Variants in AAMDC observed in about 807,000 individuals in gnomAD.
The protein encoded by AAMDC is adipogenesis associated Mth938 domain containing.
A neutral mutation model predicts 15.5 loss-of-function variants in AAMDC; 16 were observed. The observed-to-expected ratio is 1.03, with a 90% CI of 0.70 to 1.57. The LOEUF (loss-of-function observed/expected upper bound fraction) is 1.57, where lower values mean the gene tolerates loss of function less well. Among genes scored for constraint, AAMDC ranks in the 40% most tolerant of loss-of-function variants. The pLI, the probability that AAMDC is intolerant of heterozygous loss-of-function variation, is 0.00. For synonymous variants in AAMDC, 51 were observed against 51.6 expected (o/e 0.99, Z 0.05); for missense variants, 141 against 144.9 (o/e 0.97, Z 0.14).
chr11:77,880,888 C>T (rs1951765501), intron 5 of AAMDC, among the ~76,000 whole-genome samples: 1 of 152,128 alleles, frequency 6.6e-6, no homozygotes, highest in Non-Finnish European at 1.5e-5. Flanking sequence ...CACACCACTG[C>T]ACTCCAGCCT....
At chr11:77,822,893 G>T (rs1005524011) in intron 1 of AAMDC, among the ~76,000 whole-genome samples, 3 of 152,172 alleles carry the variant, frequency 2.0e-5, no homozygotes, top group African/African-American at 7.2e-5. Context: ...TATGTTACAT[G>T]TATTTTACGA....
At chr11:77,869,946 G>A in intron 3 of AAMDC, 129 bp downstream of exon 3, 2 of 788,288 alleles carry the variant, frequency 2.5e-6, no homozygotes, top group Admixed American at 4.3e-5. Flanking sequence ...ACCCAGGATA[G>A]CAGTGGCTGC....
At chr11:77,871,019 C>T (rs1315281117) in intron 3 of AAMDC, among the ~76,000 whole-genome samples, 1 of 152,044 alleles carries the variant, frequency 6.6e-6, no homozygotes, top group Non-Finnish European at 1.5e-5. Flanking sequence ...ATATATAGGG[C>T]ACCTTCATCA....
At chr11:77,880,137 T>C (rs1951735612) in intron 5 of AAMDC, among the ~76,000 whole-genome samples, 1 of 152,168 alleles carries the variant, frequency 6.6e-6, no homozygotes, top group South Asian at 2.1e-4. Flanking sequence ...GTCTCCTTAA[T>C]TTGGTGCAAC....
rs1243888168 is a variant in AAMDC at position 77,872,237 on chromosome 11, A to T, written c.291A>T (p.Thr97=). The change falls in exon 4 of 4, where the codon ACA becomes ACT. Residue 97 remains threonine, a synonymous_variant. Transcript: ENST00000393427. ...KHGIDVRVLQ[T]EQAVKEYNAL... The stretch of plus-strand genomic sequence containing the variant: ...GCATTGATGTGCGGGTCCTCCAGAC[A>T]GAGCAGGCAGTGAAGGAGTATAATG... The T allele has an allele frequency of 6.2e-7, 1 of 1,613,838 alleles. No homozygotes were observed. The highest frequency in any genetic ancestry group is 8.5e-7 in the Non-Finnish European group (1 of 1,179,938).
At chr11:77,898,982 T>C (rs894804884) in intron 5 of AAMDC, among the ~76,000 whole-genome samples, 1 of 152,214 alleles carries the variant, frequency 6.6e-6, no homozygotes, top group Non-Finnish European at 1.5e-5. Flanking sequence ...ATCGTGCCAC[T>C]GCACTCCAGC....
chr11:77,869,877 T>C lies in AAMDC; in HGVS notation c.228+60T>C. The C allele has an allele frequency of 2.0e-6, 3 of 1,521,248 alleles. No individual in the cohort carries two copies. The South Asian group carries it at 3.4e-5, about 17-fold the overall frequency. 94.2% of individuals were successfully genotyped at this position (1,521,248 alleles called of 1,614,324 possible). On this transcript the variant is annotated intron_variant, in intron 3 of 3. Transcript: ENST00000393427. ...GGTGGGGATCTCTTGGGCCTTTGTCTTACAGACTTGTCCTTCTTGGGAGGT... is the reference window on the plus strand; with the variant it reads ...GGTGGGGATCTCTTGGGCCTTTGTCCTACAGACTTGTCCTTCTTGGGAGGT...
chr11:77,850,309 C>T (rs1300729613), intron 2 of AAMDC, among the ~76,000 whole-genome samples: 1 of 152,110 alleles, frequency 6.6e-6, no homozygotes, highest in African/African-American at 2.4e-5. Flanking sequence ...CTAGTATGTA[C>T]CTAGTCAAAT....
At chr11:77,900,477 T>C in intron 5 of AAMDC, 1 of 564,866 alleles carries the variant, frequency 1.8e-6, no homozygotes, top group Admixed American at 3.3e-5. Context: ...AATAAAATAT[T>C]TTATTTTTCA....
Position 77,844,331 on chromosome 11 carries a change from T to C in AAMDC, c.132+1703T>C, listed in dbSNP as rs984713765. Among the ~76,000 whole-genome samples, 8 of 152,150 alleles carry C rather than the reference T, an allele frequency of 5.3e-5. No individual in the cohort carries two copies. In the South Asian group the frequency reaches 1.0e-3, roughly 20 times the overall value. On this transcript the variant is annotated intron_variant, in intron 2 of 3. Transcript: ENST00000393427. ...TTAAAGGACACACATATTAAGTCCA[T>C]TGCAGCAAATTTTTTTTTACAGTTT...
At position 77,854,012 on chromosome 11, in the gene AAMDC, A is replaced by G. The variant is rs527649756; in HGVS notation, c.132+11384A>G. On this transcript the variant is annotated intron_variant, in intron 2 of 3. Coordinates refer to ENST00000393427, the MANE Select transcript of AAMDC (RefSeq NM_024684.4). ...CAAATTCTTTTTTTTTTTTTTTGAG[A>G]CAGACTCTCGCTCCGTTGCCCAGGC... Among the ~76,000 whole-genome samples, 21 of 137,650 alleles carry G rather than the reference A, an allele frequency of 1.5e-4. No individual in the cohort carries two copies. The South Asian group carries it at 5.0e-3, about 33-fold the overall frequency. 90.3% of individuals were successfully genotyped at this position (137,650 alleles called of 152,430 possible).
chr11:77,889,775 G>T (rs1952183167), intron 5 of AAMDC, among the ~76,000 whole-genome samples: 1 of 152,126 alleles, frequency 6.6e-6, no homozygotes, highest in Admixed American at 6.6e-5. Flanking sequence ...GTCCCACGAT[G>T]GGGCAGTGAG....
chr11:77,904,063 T>C (rs1402808058), downstream of AAMDC, among the ~76,000 whole-genome samples: 1 of 152,208 alleles, frequency 6.6e-6, no homozygotes, highest in African/African-American at 2.4e-5. Flanking sequence ...TTTATCAACA[T>C]ATTCAACTAG....
At chr11:77,871,740 A>C (rs1422834703) in intron 3 of AAMDC, among the ~76,000 whole-genome samples, 1 of 152,240 alleles carries the variant, frequency 6.6e-6, no homozygotes, top group African/African-American at 2.4e-5. Context: ...GACTAACTCA[A>C]ACATTTAACA....
chr11:77,858,775 T>C (rs1175626156), intron 2 of AAMDC, among the ~76,000 whole-genome samples: 2 of 152,220 alleles, frequency 1.3e-5, no homozygotes, highest in African/African-American at 4.8e-5. Flanking sequence ...CATCAGAGCA[T>C]GGGCTAGCAG....
intron 5 of AAMDC, among the ~76,000 whole-genome samples, chr11:77,885,992 G>A (rs981881363): frequency 6.6e-6 from 1 of 151,994 alleles, no homozygotes; most frequent in African/African-American, 2.4e-5. Flanking sequence ...CTTGAAGACA[G>A]GAGTTTAAGA....
chr11:77,895,161 T>C (rs1591021793), intron 5 of AAMDC, among the ~76,000 whole-genome samples: 1 of 152,320 alleles, frequency 6.6e-6, no homozygotes, highest in East Asian at 1.9e-4. Context: ...CCAGGCAACA[T>C]GCTAGGTCAG....
intron 2 of AAMDC, among the ~76,000 whole-genome samples, chr11:77,858,630 C>T (rs941626842): frequency 1.3e-5 from 2 of 152,104 alleles, no homozygotes; most frequent in African/African-American, 4.8e-5. Flanking sequence ...CTCAGTCCCC[C>T]CTCTCAACAG....
chr11:77,880,944 CAAAA>C (rs1350152938), intron 5 of AAMDC, among the ~76,000 whole-genome samples: 3 of 151,574 alleles, frequency 2.0e-5, no homozygotes, highest in Admixed American at 1.3e-4. Flanking sequence ...AACAAACAAA[CAAAA>C]AAACAAAAAA....
Sources: gnomAD v4.1 joint callset for allele counts (sites outside exome capture counted in the v4.1 genomes callset) on GRCh38, gnomAD v4.1.1 for gene constraint, MANE v1.5 for transcripts, NCBI Gene and HGNC (gene_info 2026-07-23, HGNC 2026-07-21) for gene names.